TFB1M: variants seen among roughly 807,000 people sequenced by gnomAD.
TFB1M encodes transcription factor B1, mitochondrial.
Under a neutral mutation model 31.1 loss-of-function variants are expected in TFB1M, and 27 were observed. The observed-to-expected ratio is 0.87, with a 90% CI of 0.64 to 1.20. The LOEUF is 1.20. TFB1M is among the 50% of genes most tolerant of loss of function. The probability of loss-of-function intolerance (pLI) is 0.00; values close to 1 mark genes in which losing one functional copy is unlikely to be tolerated. For synonymous variants in TFB1M, 166 were observed against 151.8 expected (o/e 1.09, Z -0.69); for missense variants, 394 against 418.7 (o/e 0.94, Z 0.51).
intron 2 of TFB1M, among the ~76,000 whole-genome samples, chr6:155,308,693 T>TGC (rs1777891139): frequency 6.6e-6 from 1 of 152,230 alleles, no homozygotes; most frequent in Non-Finnish European, 1.5e-5. Context: ...CAGTTTTTCT[T>TGC]TCCCCTAAAC....
At chr6:155,273,948 A>C (rs1785055256) in intron 5 of TFB1M, among the ~76,000 whole-genome samples, 1 of 152,264 alleles carries the variant, frequency 6.6e-6, no homozygotes, top group Non-Finnish European at 1.5e-5. Flanking sequence ...TTGTCACAAT[A>C]CATAAGAAAT....
At chr6:155,265,738 T>TATATAATATATAATATAAATATATATA (rs1562389445) in intron 5 of TFB1M, among the ~76,000 whole-genome samples, 163 of 140,550 alleles carry the variant, frequency 1.2e-3, no homozygotes, top group African/African-American at 4.3e-3. Flanking sequence ...AAATATATAT[T>TATATAATATATAATATAAATATATATA]ATATATAATA....
chr6:155,258,178 A>G, intron 6 of TFB1M, 96 bp from the exon 7 acceptor site: 2 of 1,438,856 alleles, frequency 1.4e-6, no homozygotes, highest in South Asian at 2.3e-5. Flanking sequence ...AACACAACAC[A>G]GTTGCTGGCT....
chr6:155,255,989 G>T (rs377015312), downstream of TFB1M: 56 of 182,570 alleles, frequency 3.1e-4, no homozygotes, highest in South Asian at 4.2e-3. Flanking sequence ...CAGCCTGGGT[G>T]GCAGAGCAAG....
At chr6:155,271,721 A>T (rs1400238222) in intron 5 of TFB1M, among the ~76,000 whole-genome samples, 3 of 152,228 alleles carry the variant, frequency 2.0e-5, no homozygotes, top group Non-Finnish European at 4.4e-5. Flanking sequence ...TGAACTGAGG[A>T]CATAAAATAA....
In TFB1M at chr6:155,288,857, C is replaced by T. The variant is rs556973227; in HGVS notation, c.547-3580G>A. ...AAATGTTCTATCAACCTCAAATATA[C>T]ATTACTGTTTCTGTGATAGATGTAC... On this transcript the variant is annotated intron_variant, in intron 4 of 6. Transcript: ENST00000367166. Among the ~76,000 whole-genome samples the T allele has an allele frequency of 3.3e-5, 5 of 152,264 alleles. No individual in the cohort carries two copies. In the South Asian group the frequency reaches 1.0e-3, roughly 32 times the overall value.
At chr6:155,298,732 A>T in intron 2 of TFB1M, 147 bp from the exon 3 acceptor site, 1 of 649,906 alleles carries the variant, frequency 1.5e-6, no homozygotes, top group South Asian at 1.7e-5. Context: ...CATCACGTCT[A>T]TTGCAACAGA....
intron 4 of TFB1M, among the ~76,000 whole-genome samples, chr6:155,290,970 TG>T (rs921744749): frequency 3.9e-5 from 6 of 152,296 alleles, no homozygotes; most frequent in African/African-American, 1.2e-4. Context: ...TAGCTCAAGA[TG>T]GGGCTGGTCA....
downstream of TFB1M, chr6:155,253,831 T>C (rs1193626207): frequency 1.1e-5 from 7 of 615,214 alleles, no homozygotes; most frequent in Middle Eastern, 2.6e-4. Flanking sequence ...AAATCATACA[T>C]AGAACAAGCC....
intron 6 of TFB1M, among the ~76,000 whole-genome samples, chr6:155,259,005 G>T (rs1423342132): frequency 6.6e-6 from 1 of 152,198 alleles, no homozygotes; most frequent in African/African-American, 2.4e-5. Flanking sequence ...CCTGAGGATG[G>T]TGTATCTGAA....
At chr6:155,250,539 A>G in the TFB1M span, 2 of 1,535,882 alleles carry the variant, frequency 1.3e-6, no homozygotes, top group Non-Finnish European at 1.7e-6. Context: ...TTTTATCAGC[A>G]GCCCGAATGG....
chr6:155,261,779 C>T (rs1288926792), intron 5 of TFB1M, among the ~76,000 whole-genome samples: 2 of 151,500 alleles, frequency 1.3e-5, no homozygotes, highest in African/African-American at 2.4e-5. Context: ...TGGTAAGGGG[C>T]GGTGTGGGCT....
the TFB1M span, chr6:155,244,661 G>C: frequency 6.2e-7 from 1 of 1,613,942 alleles, no homozygotes; most frequent in Non-Finnish European, 8.5e-7. Context: ...CACATAGATG[G>C]AGTCACTTTT....
rs1778166473 is a variant in TFB1M at position 155,314,458 on chromosome 6, C to T, written c.-30G>A. On this transcript the variant is annotated 5_prime_UTR_variant, in exon 1 of 7. Coordinates refer to ENST00000367166, the MANE Select transcript of TFB1M (RefSeq NM_016020.4). ...CGCGGCAAGCACCATCCAACCCTAC[C>T]TCACCCAGGACCTTCACCGCCGCTC... 3.1e-6 allele frequency: 5 copies of T among 1,613,726 alleles called. No homozygotes were observed. Among genetic ancestry groups the T allele is most frequent in the Middle Eastern group, 1.7e-4 (1 of 5,848 alleles).
At chr6:155,248,128 G>A in the TFB1M span, 1 of 1,614,148 alleles carries the variant, frequency 6.2e-7, no homozygotes, top group Admixed American at 1.7e-5. Context: ...GCTGCTCAAG[G>A]AGCTGGTGTC....
intron 4 of TFB1M, among the ~76,000 whole-genome samples, chr6:155,288,697 T>C (rs577726470): frequency 1.3e-5 from 2 of 152,308 alleles, no homozygotes; most frequent in Non-Finnish European, 2.9e-5. Flanking sequence ...GCTGTAGAGA[T>C]GAAAACATGC....
At chr6:155,274,156 A>G (rs1248116279) in intron 5 of TFB1M, among the ~76,000 whole-genome samples, 1 of 152,238 alleles carries the variant, frequency 6.6e-6, no homozygotes, top group Non-Finnish European at 1.5e-5. Flanking sequence ...TTGACTCAAG[A>G]GCCTGTATCA....
At chr6:155,264,405 T>C (rs1409549899) in intron 5 of TFB1M, 2 of 152,204 alleles carry the variant, frequency 1.3e-5, no homozygotes, top group Non-Finnish European at 2.9e-5. Flanking sequence ...TTTTCTGGAA[T>C]TGGTTCACTC....
chr6:155,304,662 A>C (rs1293191880), intron 2 of TFB1M, among the ~76,000 whole-genome samples: 12 of 152,154 alleles, frequency 7.9e-5, no homozygotes. Flanking sequence ...AACAAAGGTA[A>C]GGATGAAAAA....
Sources: gnomAD v4.1 joint callset for allele counts (sites outside exome capture counted in the v4.1 genomes callset) on GRCh38, gnomAD v4.1.1 for gene constraint, MANE v1.5 for transcripts, NCBI Gene and HGNC (gene_info 2026-07-23, HGNC 2026-07-21) for gene names.